The following RGS6 variants were observed in gnomAD, a reference collection of about 807,000 sequenced individuals.
RGS6 encodes the protein regulator of G-protein signaling 6.
In RGS6, 30 loss-of-function variants were observed where a neutral mutation model predicts 78.5. That is an observed-to-expected ratio of 0.38 (90% CI 0.29 to 0.52). The LOEUF is 0.52. Among genes scored for constraint, RGS6 ranks in the 20% least tolerant of loss-of-function variants. The pLI is 0.85. For synonymous variants in RGS6, 206 were observed against 206.0 expected, an observed-to-expected ratio of 1.00 and a Z score of 0.00; for missense variants, 495 against 609.7, an observed-to-expected ratio of 0.81 and a Z score of 1.98.
the RGS6 span, among the ~76,000 whole-genome samples, chr14:71,921,200 A>C: frequency 6.6e-6 from 1 of 152,230 alleles, no homozygotes; most frequent in Non-Finnish European, 1.5e-5. Flanking sequence ...AAGACAAAAA[A>C]TAAGTGTTAG....
intron 14 of RGS6, 138 bp from the exon 15 acceptor site, chr14:72,518,213 C>T: frequency 1.4e-6 from 1 of 707,630 alleles, no homozygotes; most frequent in Non-Finnish European, 2.4e-6. Context: ...ATGGTCTTTG[C>T]AGCTCATGTA....
chr14:72,510,503 A>G (rs923994258), intron 14 of RGS6, among the ~76,000 whole-genome samples: 7 of 152,248 alleles, frequency 4.6e-5, no homozygotes, highest in African/African-American at 1.4e-4. Context: ...TCAAGTCTAT[A>G]TGACCTTTGT....
chr14:72,450,045 CA>C (rs2153224824), intron 3 of RGS6, among the ~76,000 whole-genome samples: 1 of 152,232 alleles, frequency 6.6e-6, no homozygotes, highest in African/African-American at 2.4e-5. Context: ...CTATGAACTT[CA>C]AATAATACAG....
intron 3 of RGS6, among the ~76,000 whole-genome samples, chr14:72,452,959 A>C (rs1385587211): frequency 6.6e-6 from 1 of 152,206 alleles, no homozygotes; most frequent in Non-Finnish European, 1.5e-5. Context: ...TATGGTGAGG[A>C]ACTCCAGGCC....
chr14:72,469,966 C>G, intron 7 of RGS6, 41 bp from the exon 8 acceptor site: 1 of 1,461,088 alleles, frequency 6.8e-7, no homozygotes, highest in Non-Finnish European at 9.6e-7. Context: ...TGCTAATTTA[C>G]GATGATTAAT....
At chr14:72,315,661 T>C (rs1237331084) in intron 2 of RGS6, among the ~76,000 whole-genome samples, 1 of 152,210 alleles carries the variant, frequency 6.6e-6, no homozygotes, top group Non-Finnish European at 1.5e-5. Flanking sequence ...AATGTTTATG[T>C]GCCAGGCGCC....
At chr14:71,954,265 CCTTT>C (rs746008177) in intron 1 of RGS6, among the ~76,000 whole-genome samples, 3 of 150,672 alleles carry the variant, frequency 2.0e-5, no homozygotes, top group Admixed American at 6.6e-5. Context: ...TATTTCTTCT[CCTTT>C]CTTTCTTCTC....
chr14:71,914,209 C>T, the RGS6 span, among the ~76,000 whole-genome samples: 2 of 152,130 alleles, frequency 1.3e-5, no homozygotes, highest in African/African-American at 2.4e-5. Flanking sequence ...CCTAACAAGA[C>T]GATGTCCAGT....
downstream of RGS6, among the ~76,000 whole-genome samples, chr14:72,567,710 T>C (rs372887299): frequency 6.2e-4 from 94 of 152,340 alleles, no homozygotes; most frequent in African/African-American, 2.2e-3. Flanking sequence ...TGAGTGTCTC[T>C]GATCCTAGAA....
chr14:72,305,173 T>G (rs1453068136), intron 2 of RGS6, among the ~76,000 whole-genome samples: 1 of 152,254 alleles, frequency 6.6e-6, no homozygotes, highest in African/African-American at 2.4e-5. Context: ...CTTTATTGAA[T>G]AAATTACCAC....
chr14:71,882,190 A>G, the RGS6 span, among the ~76,000 whole-genome samples: 1 of 152,184 alleles, frequency 6.6e-6, no homozygotes, highest in Non-Finnish European at 1.5e-5. Context: ...GTGTGGAATC[A>G]TGTAATATCT....
At chr14:72,571,595 C>T in the RGS6 span, among the ~76,000 whole-genome samples, 16 of 152,076 alleles carry the variant, frequency 1.1e-4, no homozygotes, top group South Asian at 4.1e-4. Flanking sequence ...TTTCAACAAA[C>T]GGTGCTGGAA....
intron 2 of RGS6, among the ~76,000 whole-genome samples, chr14:72,343,316 C>T (rs1347130008): frequency 6.6e-6 from 1 of 152,078 alleles, no homozygotes; most frequent in Non-Finnish European, 1.5e-5. Flanking sequence ...GGCTTGTGGC[C>T]CCTTCCTCTA....
intron 2 of RGS6, among the ~76,000 whole-genome samples, chr14:71,965,665 T>C (rs746290951): frequency 1.3e-5 from 2 of 152,228 alleles, no homozygotes; most frequent in Non-Finnish European, 2.9e-5. Context: ...GAAAAACTTC[T>C]GTGCCAAGAG....
At chr14:72,420,392 G>T (rs1395679289) in intron 3 of RGS6, among the ~76,000 whole-genome samples, 4 of 152,158 alleles carry the variant, frequency 2.6e-5, no homozygotes, top group African/African-American at 9.7e-5. Context: ...ATACTTTGAG[G>T]AATCTAGGCC....
At chr14:72,270,733 G>T (rs1189082531) in intron 2 of RGS6, among the ~76,000 whole-genome samples, 4 of 152,188 alleles carry the variant, frequency 2.6e-5, no homozygotes, top group Non-Finnish European at 5.9e-5. Flanking sequence ...AGTCATTAAA[G>T]AATTTTATAA....
chr14:72,115,764 C>T (rs978614298), intron 2 of RGS6, among the ~76,000 whole-genome samples: 1 of 152,210 alleles, frequency 6.6e-6, no homozygotes, highest in Non-Finnish European at 1.5e-5. Flanking sequence ...TAACCCAGAA[C>T]TGTGCAGGAG....
At chr14:72,204,913 A>C (rs1307924212) in intron 2 of RGS6, among the ~76,000 whole-genome samples, 2 of 152,218 alleles carry the variant, frequency 1.3e-5, no homozygotes, top group African/African-American at 4.8e-5. Flanking sequence ...TATAAGATTA[A>C]ATAGATGGCC....
At chr14:72,185,977 C>T (rs1036672607) in intron 2 of RGS6, among the ~76,000 whole-genome samples, 6 of 152,246 alleles carry the variant, frequency 3.9e-5, no homozygotes, top group African/African-American at 1.2e-4. Flanking sequence ...ACATCAACCA[C>T]TTTCCTAACA....
Sources: gnomAD v4.1 joint callset for allele counts (sites outside exome capture counted in the v4.1 genomes callset) on GRCh38, gnomAD v4.1.1 for gene constraint, MANE v1.5 for transcripts, NCBI Gene and HGNC (gene_info 2026-07-23, HGNC 2026-07-21) for gene names.